Variants in SCN3A observed in about 807,000 individuals in gnomAD.
SCN3A encodes sodium channel protein type 3 subunit alpha.
Under a neutral mutation model 187.6 loss-of-function variants are expected in SCN3A, and 60 were observed. That is an observed-to-expected ratio of 0.32 (90% CI 0.26 to 0.40). The LOEUF (loss-of-function observed/expected upper bound fraction) is 0.40. SCN3A is among the 10% of genes least tolerant of loss of function. The probability of loss-of-function intolerance (pLI) is 1.00; values close to 1 mark genes in which losing one functional copy is unlikely to be tolerated. For missense variants in SCN3A, 1,601 were observed against 2,428.2 expected (o/e 0.66, Z 7.16); for synonymous variants, 788 against 829.2 (o/e 0.95, Z 0.85).
At chr2:165,147,642 A>G (rs1233973156) in intron 11 of SCN3A, among the ~76,000 whole-genome samples, 1 of 152,154 alleles carries the variant, frequency 6.6e-6, no homozygotes, top group Admixed American at 6.6e-5. Flanking sequence ...TTTATTACAT[A>G]TCACTTAAAA....
intron 23 of SCN3A, among the ~76,000 whole-genome samples, chr2:165,096,863 A>G (rs1474105693): frequency 6.6e-6 from 1 of 152,164 alleles, no homozygotes; most frequent in East Asian, 1.9e-4. Context: ...TTTCTTAGAC[A>G]TTGTTATAAT....
Position 165,151,229 on chromosome 2 carries a change from G to T in SCN3A, c.1380+3223C>A, listed in dbSNP as rs557137782. Among the ~76,000 whole-genome samples, 13 of 152,242 alleles carry T rather than the reference G, an allele frequency of 8.5e-5. No individual in the cohort carries two copies. The South Asian group carries it at 2.5e-3, about 29-fold the overall frequency. On this transcript the variant is annotated intron_variant, in intron 11 of 27. Coordinates refer to ENST00000283254, the MANE Select transcript of SCN3A (RefSeq NM_006922.4). ...CTGTATCTCCATTACCCCAAAAAAT[G>T]CCTTGAGAAAGGACCTAATGCTATT...
At chr2:165,169,422 A>G (rs1689977055) in intron 4 of SCN3A, among the ~76,000 whole-genome samples, 1 of 151,884 alleles carries the variant, frequency 6.6e-6, no homozygotes, top group Admixed American at 6.6e-5. Flanking sequence ...GCGGACCCCA[A>G]CAGACCATCT....
At chr2:165,135,416 G>A (rs1390648659) in intron 15 of SCN3A, among the ~76,000 whole-genome samples, 1 of 152,036 alleles carries the variant, frequency 6.6e-6, no homozygotes, top group Admixed American at 6.6e-5. Context: ...CCACAATTCA[G>A]TGTCCTCATG....
At chr2:165,118,711 C>T (rs1686496189) in intron 18 of SCN3A, among the ~76,000 whole-genome samples, 1 of 152,180 alleles carries the variant, frequency 6.6e-6, no homozygotes. Flanking sequence ...CTCAGCCTCC[C>T]AAGTAGCTGG....
At chr2:165,101,871 C>T (rs1312190274) in intron 21 of SCN3A, among the ~76,000 whole-genome samples, 1 of 152,196 alleles carries the variant, frequency 6.6e-6, no homozygotes. Flanking sequence ...ACTGTCCTCT[C>T]ATTGTTTAAT....
At chr2:165,149,684 T>C (rs1158375774) in intron 11 of SCN3A, among the ~76,000 whole-genome samples, 1 of 152,214 alleles carries the variant, frequency 6.6e-6, no homozygotes, top group Non-Finnish European at 1.5e-5. Context: ...CTCTCATGTC[T>C]GTGTACCTGT....
intron 2 of SCN3A, among the ~76,000 whole-genome samples, chr2:165,177,453 A>G (rs1361509939): frequency 6.6e-6 from 1 of 152,242 alleles, no homozygotes; most frequent in Non-Finnish European, 1.5e-5. Flanking sequence ...TTTTGGAATT[A>G]GTAAGCACTA....
chr2:165,122,795 T>C (rs1686773591), intron 18 of SCN3A: 1 of 152,146 alleles, frequency 6.6e-6, no homozygotes, highest in Non-Finnish European at 1.5e-5. Flanking sequence ...TGATTGTACA[T>C]GTACAACTTG....
chr2:165,094,189 C>A (rs1685247914), intron 26 of SCN3A, 185 bp downstream of exon 26: 1 of 640,650 alleles, frequency 1.6e-6, no homozygotes, highest in Non-Finnish European at 2.8e-6. Context: ...ACATTACCTC[C>A]TTTTTTTGGA....
At chr2:165,104,440 A>C (rs78775860) in intron 21 of SCN3A, among the ~76,000 whole-genome samples, 6,363 of 151,946 alleles carry the variant, frequency 0.042, 417 homozygotes, top group African/African-American at 0.14. Flanking sequence ...ATAATACTAG[A>C]GCCTTACCTC....
At chr2:165,197,657 C>CT (rs1692053143) in intron 1 of SCN3A, among the ~76,000 whole-genome samples, 1 of 141,842 alleles carries the variant, frequency 7.1e-6, no homozygotes, top group South Asian at 2.2e-4. Flanking sequence ...TCTCATTTTG[C>CT]TTTTTTCTTT....
chr2:165,105,992 A>G (rs577401475), intron 21 of SCN3A, among the ~76,000 whole-genome samples: 19 of 152,304 alleles, frequency 1.2e-4, no homozygotes, highest in African/African-American at 3.9e-4. Flanking sequence ...TTAACTTTAT[A>G]CATGATTAGA....
chr2:165,159,274 A>G (rs944051982), intron 9 of SCN3A, among the ~76,000 whole-genome samples: 1 of 138,060 alleles, frequency 7.2e-6, no homozygotes, highest in Non-Finnish European at 1.5e-5. Flanking sequence ...ATCTTTTGCC[A>G]GTTTTAAATT....
chr2:165,162,532 T>G, intron 8 of SCN3A, 24 bp downstream of exon 8: 1 of 1,613,720 alleles, frequency 6.2e-7, no homozygotes. Flanking sequence ...AACACTAAGG[T>G]TAACATAATG....
chr2:165,168,390 T>A (rs966571867), intron 5 of SCN3A, among the ~76,000 whole-genome samples: 3 of 152,046 alleles, frequency 2.0e-5, no homozygotes, highest in African/African-American at 7.2e-5. Context: ...TATACTGGAA[T>A]AAAATAATTT....
chr2:165,118,166 G>A (rs1010278701), intron 18 of SCN3A, among the ~76,000 whole-genome samples: 2 of 152,090 alleles, frequency 1.3e-5, no homozygotes, highest in African/African-American at 4.8e-5. Flanking sequence ...AGCTCTGGAG[G>A]TTATGTATTT....
At chr2:165,160,093 C>T (rs2105881059) in intron 9 of SCN3A, among the ~76,000 whole-genome samples, 1 of 134,284 alleles carries the variant, frequency 7.4e-6, no homozygotes, top group African/African-American at 3.1e-5. Context: ...CGCGCCACTG[C>T]ACTCCAGCCT....
At position 165,090,010 on chromosome 2, in the gene SCN3A, G is replaced by T; in HGVS notation, c.*140C>A. The T allele has an allele frequency of 1.7e-6, 2 of 1,203,776 alleles. No individual in the cohort carries two copies. 74.6% of individuals were successfully genotyped at this position (1,203,776 alleles called of 1,614,324 possible). ...GCAGTGACAGAGAGGTCACTTCACT[G>T]TCTTGTATAGGCACTGACTATGAGT... On this transcript the variant is annotated 3_prime_UTR_variant, in exon 28 of 28. Transcript: ENST00000283254. This position sits in a 1 kb window ranked among gnomAD's most constrained non-coding sequence, Gnocchi z 4.0.
Sources: gnomAD v4.1 joint callset for allele counts (sites outside exome capture counted in the v4.1 genomes callset) on GRCh38, gnomAD v4.1.1 for gene constraint, Gnocchi (gnomAD v3.1) non-coding constraint, MANE v1.5 for transcripts, NCBI Gene and HGNC (gene_info 2026-07-23, HGNC 2026-07-21) for gene names.